PREX1: variants seen among roughly 807,000 people sequenced by gnomAD.
PREX1 encodes phosphatidylinositol-3,4,5-trisphosphate dependent Rac exchange factor 1, also known as phosphatidylinositol 3,4,5-trisphosphate-dependent Rac exchanger 1 protein.
A neutral mutation model predicts 198.3 loss-of-function variants in PREX1; 41 were observed. That is an observed-to-expected ratio of 0.21 (90% CI 0.16 to 0.27). The LOEUF is 0.27. Ranked by LOEUF, PREX1 falls within the 10% of genes least tolerant of loss-of-function variation. The pLI is 1.00. For synonymous variants in PREX1, 843 were observed against 887.2 expected (o/e 0.95, Z 0.89); for missense variants, 1,620 against 2,200.7 (o/e 0.74, Z 5.28).
At chr20:48,652,847 C>T (rs2089510510) in intron 20 of PREX1, 141 bp from the exon 21 acceptor site, 2 of 1,031,218 alleles carry the variant, frequency 1.9e-6, no homozygotes, top group Admixed American at 2.8e-5. Flanking sequence ...TCACCGTGCA[C>T]AGTCTATGCT....
chr20:48,673,749 C>G (rs1229872489), intron 14 of PREX1, among the ~76,000 whole-genome samples: 3 of 152,154 alleles, frequency 2.0e-5, no homozygotes, highest in Non-Finnish European at 4.4e-5. Flanking sequence ...AACCCTTGCA[C>G]AATTTCTTTA....
In PREX1 at chr20:48,809,772, G is replaced by A. The variant is rs115088578; in HGVS notation, c.219+17870C>T. Among the ~76,000 whole-genome samples, 457 of 152,254 alleles carry A rather than the reference G, an allele frequency of 3.0e-3. 6 individuals are homozygous for A. The highest frequency in any genetic ancestry group is 0.01 in the African/African-American group (432 of 41,546). ...GAGGCCCAGGCAGGGACCCTCTAAC[G>A]CCCCTGGAGGAACCCACTACTTCCT... On this transcript the variant is annotated intron_variant, in intron 1 of 39. Transcript: ENST00000371941.
At chr20:48,737,215 CAAAAAAAAA>C (rs140010281) in intron 3 of PREX1, among the ~76,000 whole-genome samples, 6 of 35,300 alleles carry the variant, frequency 1.7e-4, no homozygotes, top group South Asian at 1.1e-3. Flanking sequence ...GTTTTGACAG[CAAAAAAAAA>C]AAAAAAAAAA....
intron 4 of PREX1, among the ~76,000 whole-genome samples, chr20:48,732,905 G>A (rs1229903246): frequency 1.3e-5 from 2 of 150,606 alleles, no homozygotes; most frequent in African/African-American, 4.9e-5. Context: ...TGTAGTCAAA[G>A]GTCATCTGAG....
At chr20:48,887,874 C>T in the PREX1 span, among the ~76,000 whole-genome samples, 1 of 151,544 alleles carries the variant, frequency 6.6e-6, no homozygotes, top group Non-Finnish European at 1.5e-5. Context: ...GGCGTAAACC[C>T]GGGAGGCGGA....
chr20:48,796,237 T>C (rs1361864167), intron 1 of PREX1, among the ~76,000 whole-genome samples: 6 of 151,588 alleles, frequency 4.0e-5, no homozygotes, highest in African/African-American at 1.5e-4. Context: ...TGTCCCACCA[T>C]GATTTGTAAT....
At chr20:48,726,469 G>C (rs1221578615) in intron 4 of PREX1, 78 bp from the exon 5 acceptor site, 1 of 998,530 alleles carries the variant, frequency 1.0e-6, no homozygotes, top group Non-Finnish European at 1.6e-6. Context: ...CATGAGAAAC[G>C]CTCTCAGAGC....
intron 2 of PREX1, among the ~76,000 whole-genome samples, chr20:48,747,356 G>A (rs995644212): frequency 6.6e-6 from 1 of 152,234 alleles, no homozygotes; most frequent in African/African-American, 2.4e-5. Context: ...CATGGCCAAG[G>A]CCAAACTGGA....
At chr20:48,709,165 G>A (rs1464815977) in intron 5 of PREX1, among the ~76,000 whole-genome samples, 2 of 152,172 alleles carry the variant, frequency 1.3e-5, no homozygotes, top group Non-Finnish European at 2.9e-5. Flanking sequence ...GCTGGGACTT[G>A]AGATATCAAG....
chr20:48,777,758 A>G (rs1241119909), intron 1 of PREX1, among the ~76,000 whole-genome samples: 8 of 152,226 alleles, frequency 5.3e-5, no homozygotes, highest in African/African-American at 1.4e-4. Context: ...AGTACTCTGT[A>G]GTGACAAAGA....
chr20:48,680,713 C>T (rs566936365), intron 11 of PREX1, among the ~76,000 whole-genome samples: 1 of 152,058 alleles, frequency 6.6e-6, no homozygotes, highest in South Asian at 2.1e-4. Context: ...TCCAATGTTA[C>T]CTTCTCGGTG....
At chr20:48,759,003 T>A (rs993288230) in intron 1 of PREX1, among the ~76,000 whole-genome samples, 6 of 152,064 alleles carry the variant, frequency 3.9e-5, no homozygotes, top group African/African-American at 1.4e-4. Flanking sequence ...ATGCCCCAAC[T>A]CTCAGAAGCC....
At position 48,666,978 on chromosome 20, in the gene PREX1, C is replaced by G. The variant is rs545194493; in HGVS notation, c.1666-623G>C. Among the ~76,000 whole-genome samples, 6 of 152,276 alleles carry G rather than the reference C, an allele frequency of 3.9e-5. No individual in the cohort carries two copies. The East Asian group carries it at 1.2e-3, about 29-fold the overall frequency. ...CCTCCCTGGTCAAGAAGCCCTCATC[C>G]ATCTCCAGCCTCCCTTGCAGCTACA... On this transcript the variant is annotated intron_variant, in intron 14 of 39. Transcript: ENST00000371941. This position sits in a 1 kb window ranked among gnomAD's most constrained non-coding sequence, Gnocchi z 4.3.
chr20:48,830,039 C>G (rs1288127525), upstream of PREX1, among the ~76,000 whole-genome samples: 1 of 152,140 alleles, frequency 6.6e-6, no homozygotes, highest in East Asian at 1.9e-4. Flanking sequence ...CACTAGATGC[C>G]AGTAGCACTC....
intron 1 of PREX1, among the ~76,000 whole-genome samples, chr20:48,807,620 A>C (rs1460392047): frequency 6.6e-6 from 1 of 152,106 alleles, no homozygotes; most frequent in East Asian, 1.9e-4. Context: ...GAACTGAATC[A>C]AAGGGTATCG....
At chr20:48,754,822 A>G (rs2090149978) in intron 1 of PREX1, among the ~76,000 whole-genome samples, 1 of 151,986 alleles carries the variant, frequency 6.6e-6, no homozygotes, top group Non-Finnish European at 1.5e-5. Flanking sequence ...TGGAACAGCA[A>G]GGGCCTTGGA....
At chr20:48,773,720 G>C (rs1419101903) in intron 1 of PREX1, among the ~76,000 whole-genome samples, 1 of 152,170 alleles carries the variant, frequency 6.6e-6, no homozygotes, top group East Asian at 1.9e-4. Flanking sequence ...ACTTAACCAG[G>C]AGCCAGAATG....
intron 1 of PREX1, among the ~76,000 whole-genome samples, chr20:48,790,765 C>T (rs2090335471): frequency 6.6e-6 from 1 of 152,180 alleles, no homozygotes; most frequent in Non-Finnish European, 1.5e-5. Context: ...AAGTCAAATC[C>T]CAGCACCTTT....
At chr20:48,819,657 A>C (rs896621695) in intron 1 of PREX1, among the ~76,000 whole-genome samples, 1 of 152,230 alleles carries the variant, frequency 6.6e-6, no homozygotes, top group Admixed American at 6.5e-5. Context: ...AGCATGTGGC[A>C]CAGTACCTGG....
Sources: gnomAD v4.1 joint callset for allele counts (sites outside exome capture counted in the v4.1 genomes callset) on GRCh38, gnomAD v4.1.1 for gene constraint, Gnocchi (gnomAD v3.1) non-coding constraint, MANE v1.5 for transcripts, NCBI Gene and HGNC (gene_info 2026-07-23, HGNC 2026-07-21) for gene names.